Variants in SRGAP1 observed in about 807,000 individuals in gnomAD.
The protein encoded by SRGAP1 is SLIT-ROBO Rho GTPase activating protein 1, also known as SLIT-ROBO Rho GTPase-activating protein 1.
In SRGAP1, 43 loss-of-function variants were observed where a neutral mutation model predicts 121.9. That is an observed-to-expected ratio of 0.35 (90% confidence interval 0.28 to 0.46). The LOEUF (loss-of-function observed/expected upper bound fraction) is 0.46. SRGAP1 is among the 20% of genes least tolerant of loss of function. The probability of loss-of-function intolerance (pLI) is 1.00; values close to 1 mark genes in which losing one functional copy is unlikely to be tolerated. For missense variants in SRGAP1, 1,102 were observed against 1,350.9 expected (o/e 0.82, Z 2.89); for synonymous variants, 447 against 485.4 (o/e 0.92, Z 1.04).
intron 1 of SRGAP1, among the ~76,000 whole-genome samples, chr12:63,875,643 G>A (rs1345107660): frequency 4.6e-5 from 7 of 152,162 alleles, no homozygotes; most frequent in Non-Finnish European, 7.3e-5. Flanking sequence ...TTGGTTCTAA[G>A]ATTATAACTT....
chr12:64,128,029 C>A lies in SRGAP1; in HGVS notation c.2709C>A (p.Asn903Lys), dbSNP rs528390646. 2.5e-6 allele frequency: 4 copies of A among 1,614,188 alleles called. No individual in the cohort carries two copies. In the East Asian group the frequency reaches 8.9e-5, roughly 36 times the overall value. The change falls in exon 21 of 22, where the codon AAC (asparagine) becomes AAA (lysine). Residue 903 changes from asparagine to lysine, a missense_variant. Physicochemically the swap from Asn to Lys is moderately conservative, Grantham distance 94 (BLOSUM62 0). This residue lies in a region of SRGAP1 where 315 missense variants were observed against 343.1 expected (regional missense o/e 0.92). Coordinates refer to ENST00000355086, the MANE Select transcript of SRGAP1 (RefSeq NM_020762.4). ...PRGLLQNRGL[N>K]NDSPERRRRP... ...GCCTGCTGCAGAACCGTGGCCTCAA[C>A]AATGACAGTCCTGAGCGGAGGCGCA...
chr12:63,985,806 A>T (rs77023357), intron 2 of SRGAP1, among the ~76,000 whole-genome samples: 6,804 of 152,170 alleles, frequency 0.045, 456 homozygotes, highest in African/African-American at 0.15. Context: ...GTGAAATGGT[A>T]AAACAGAAAC....
At chr12:63,854,611 G>A (rs2136257744) in intron 1 of SRGAP1, among the ~76,000 whole-genome samples, 1 of 152,096 alleles carries the variant, frequency 6.6e-6, no homozygotes, top group South Asian at 2.1e-4. Context: ...TTAATAATAT[G>A]TATTCTTATG....
chr12:64,014,795 C>G (rs1378106994), intron 3 of SRGAP1, among the ~76,000 whole-genome samples: 3 of 151,896 alleles, frequency 2.0e-5, no homozygotes, highest in African/African-American at 7.3e-5. Flanking sequence ...GTTCTGAAGT[C>G]TTAGCCAAGA....
In SRGAP1 at chr12:63,903,354, C is replaced by T. The variant is rs768776014; in HGVS notation, c.67+58471C>T. The stretch of plus-strand genomic sequence containing the variant: ...CAGCCTCCTAAGTAGCTGGGATTGG[C>T]GTGCGCTAATTTACAATTTGCAAAT... On this transcript the variant is annotated intron_variant, in intron 1 of 21. Coordinates refer to ENST00000355086, the MANE Select transcript of SRGAP1 (RefSeq NM_020762.4). Among the ~76,000 whole-genome samples the T allele has an allele frequency of 1.3e-4, 19 of 151,352 alleles. No homozygotes were observed. In the East Asian group the frequency reaches 2.6e-3, roughly 20 times the overall value.
intron 1 of SRGAP1, among the ~76,000 whole-genome samples, chr12:63,949,509 A>G (rs1265488512): frequency 1.3e-5 from 2 of 149,910 alleles, no homozygotes; most frequent in Non-Finnish European, 3.0e-5. Context: ...CTCACTGCAA[A>G]CTCTGCCTCC....
chr12:64,014,737 C>T lies in SRGAP1; in HGVS notation c.427-2213C>T, dbSNP rs575304549. On this transcript the variant is annotated intron_variant, in intron 3 of 21. Transcript: ENST00000355086. ...GACCCAGAATATTTTCTTGGGTTAA[C>T]GTTTCTTGAACATAAGGGAATTTGT... Among the ~76,000 whole-genome samples, 183 of 151,152 alleles carry T rather than the reference C, an allele frequency of 1.2e-3. 1 individual carries two copies. Among genetic ancestry groups the T allele is most frequent in the African/African-American group, 4.2e-3 (171 of 40,978 alleles).
At chr12:63,891,537 G>A (rs1391336123) in intron 1 of SRGAP1, among the ~76,000 whole-genome samples, 2 of 152,188 alleles carry the variant, frequency 1.3e-5, no homozygotes, top group Non-Finnish European at 2.9e-5. Context: ...ATCTGGTTGG[G>A]TCCGTAGCAC....
At chr12:64,084,527 G>A (rs924531415) in intron 10 of SRGAP1, among the ~76,000 whole-genome samples, 25 of 152,172 alleles carry the variant, frequency 1.6e-4, no homozygotes, top group African/African-American at 5.8e-4. Context: ...TCATTCATCA[G>A]TTGAGACACA....
intron 14 of SRGAP1, among the ~76,000 whole-genome samples, 169 bp from the exon 15 acceptor site, chr12:64,097,072 G>A (rs904137096): frequency 4.6e-5 from 7 of 152,128 alleles, no homozygotes; most frequent in Non-Finnish European, 7.4e-5. Context: ...GGTTAATCAT[G>A]GGGTGGGATA....
intron 1 of SRGAP1, among the ~76,000 whole-genome samples, chr12:63,890,663 T>C (rs891376597): frequency 2.0e-5 from 3 of 152,134 alleles, no homozygotes; most frequent in Non-Finnish European, 4.4e-5. Context: ...AGCCCATGTC[T>C]AGATGACACC....
At chr12:63,881,799 T>C (rs944942295) in intron 1 of SRGAP1, among the ~76,000 whole-genome samples, 3 of 152,234 alleles carry the variant, frequency 2.0e-5, no homozygotes, top group African/African-American at 7.2e-5. Context: ...TTGCCCTTCT[T>C]AACTATTTTA....
At chr12:64,013,902 C>G (rs1427197520) in intron 3 of SRGAP1, among the ~76,000 whole-genome samples, 2 of 152,180 alleles carry the variant, frequency 1.3e-5, no homozygotes, top group East Asian at 3.9e-4. Context: ...GGAGGGACAT[C>G]AAAGTCAACT....
At chr12:64,092,047 A>G in intron 12 of SRGAP1, 1 of 800,998 alleles carries the variant, frequency 1.2e-6, no homozygotes, top group African/African-American at 1.7e-5. Flanking sequence ...TGCATTTGGA[A>G]ATCAGACAAG....
At chr12:63,951,270 TCTC>T (rs2032285462) in intron 1 of SRGAP1, among the ~76,000 whole-genome samples, 1 of 146,308 alleles carries the variant, frequency 6.8e-6, no homozygotes, top group Admixed American at 7.0e-5. Context: ...TTCAAGCAAT[TCTC>T]CTGCCTCAGC....
intron 4 of SRGAP1, among the ~76,000 whole-genome samples, chr12:64,041,510 A>C (rs1402130768): frequency 6.6e-6 from 1 of 151,662 alleles, no homozygotes; most frequent in African/African-American, 2.4e-5. Flanking sequence ...CCAGCCTCCC[A>C]AGTAGCTGGC....
chr12:64,118,420 C>G (rs2036555856), intron 18 of SRGAP1, among the ~76,000 whole-genome samples: 1 of 151,932 alleles, frequency 6.6e-6, no homozygotes, highest in Non-Finnish European at 1.5e-5. Flanking sequence ...GAGGCACATT[C>G]TACCACACCC....
At position 64,157,947 on chromosome 12, in the gene SRGAP1, G is replaced by C. The variant is rs1318255664; in HGVS notation, c.*15275G>C. 1 of 152,238 alleles carries C rather than the reference G, an allele frequency of 6.6e-6. No homozygotes were observed. The highest frequency in any genetic ancestry group is 1.5e-5 in the Non-Finnish European group (1 of 68,074). The allele number at this position is 152,238 out of a possible 1,614,324, so 9.4% of individuals were successfully genotyped here. On this transcript the variant is annotated 3_prime_UTR_variant, in exon 22 of 22. Transcript: ENST00000355086. ...AGTACGTGGCCACCATGAAGAGGAA[G>C]AGAAAGCACTTGCAATGATGTGAGG...
At chr12:64,121,624 T>C (rs1268382740) in intron 18 of SRGAP1, among the ~76,000 whole-genome samples, 5 of 152,150 alleles carry the variant, frequency 3.3e-5, no homozygotes, top group African/African-American at 1.2e-4. Context: ...TTTCTTTGTT[T>C]CTCACATGGT....
Sources: gnomAD v4.1 joint callset for allele counts (sites outside exome capture counted in the v4.1 genomes callset) on GRCh38, gnomAD v4.1.1 for gene constraint, gnomAD v4.1.1 regional missense constraint, MANE v1.5 for transcripts, NCBI Gene and HGNC (gene_info 2026-07-23, HGNC 2026-07-21) for gene names.